Variants in RABGAP1L observed in about 807,000 individuals in gnomAD.
RABGAP1L encodes the protein rab GTPase-activating protein 1-like.
Under a neutral mutation model 137.7 loss-of-function variants are expected in RABGAP1L, and 63 were observed. That is an observed-to-expected ratio of 0.46 (90% CI 0.37 to 0.56). The LOEUF (loss-of-function observed/expected upper bound fraction) is 0.56, where lower values mean the gene tolerates loss of function less well. Among genes scored for constraint, RABGAP1L ranks in the 20% least tolerant of loss-of-function variants. RABGAP1L has a pLI of 0.00. For missense variants in RABGAP1L, 1,095 were observed against 1,244.0 expected, an observed-to-expected ratio of 0.88 and a Z score of 1.80; for synonymous variants, 431 against 433.7, an observed-to-expected ratio of 0.99 and a Z score of 0.08.
intron 13 of RABGAP1L, 148 bp from the exon 14 acceptor site, chr1:174,637,227 A>G (rs1674123130): frequency 1.7e-6 from 1 of 582,420 alleles, no homozygotes; most frequent in South Asian, 2.3e-5. Flanking sequence ...TCTTGGGTAT[A>G]GGACTATGGG....
At chr1:174,284,526 CA>C (rs1484109041) in intron 10 of RABGAP1L, among the ~76,000 whole-genome samples, 2 of 152,232 alleles carry the variant, frequency 1.3e-5, no homozygotes, top group Admixed American at 1.3e-4. Context: ...AATAATGTTG[CA>C]ATGAACATGG....
intron 18 of RABGAP1L, among the ~76,000 whole-genome samples, chr1:174,785,945 T>C (rs889259536): frequency 2.0e-5 from 3 of 152,098 alleles, no homozygotes; most frequent in African/African-American, 7.2e-5. Context: ...AGGAAAGAAA[T>C]AGTAAAAAAA....
intron 17 of RABGAP1L, among the ~76,000 whole-genome samples, chr1:174,729,359 C>T: frequency 6.6e-6 from 1 of 152,262 alleles, no homozygotes; most frequent in Admixed American, 6.5e-5. Context: ...TGTGACATCA[C>T]AAACTATAAG....
At chr1:174,764,867 G>A (rs1685542078) in intron 18 of RABGAP1L, among the ~76,000 whole-genome samples, 1 of 152,156 alleles carries the variant, frequency 6.6e-6, no homozygotes. Flanking sequence ...GAGCTAGGGG[G>A]CACCCCACTC....
chr1:174,249,510 TAC>T (rs1352825625), intron 5 of RABGAP1L, among the ~76,000 whole-genome samples: 3 of 152,178 alleles, frequency 2.0e-5, no homozygotes, highest in South Asian at 2.1e-4. Flanking sequence ...TATAAATAAA[TAC>T]AGTTTATTTT....
chr1:174,833,468 A>ATATATATATATAT (rs1279866308), intron 19 of RABGAP1L, among the ~76,000 whole-genome samples: 47 of 107,296 alleles, frequency 4.4e-4, no homozygotes, highest in Non-Finnish European at 7.4e-4. Context: ...ATATATATAT[A>ATATATATATATAT]GTAGAGACAG....
rs188963388 is a variant in RABGAP1L, at chr1:174,725,901, A to G, written c.2169+23645A>G. Reference sequence around the variant, plus strand: ...TAAATGACGAGTTAATGGGTGCAACACACCAACATGGCACATGTATACATA... The same window carrying G: ...TAAATGACGAGTTAATGGGTGCAACGCACCAACATGGCACATGTATACATA... On this transcript the variant is annotated intron_variant, in intron 17 of 25. Coordinates refer to ENST00000681986, the MANE Select transcript of RABGAP1L (RefSeq NM_001366446.1). 5.7e-3 allele frequency among the ~76,000 whole-genome samples: 862 copies of G among 152,278 alleles called. 10 individuals carry two copies. Among genetic ancestry groups the G allele is most frequent in the African/African-American group, 0.02 (815 of 41,550 alleles).
At chr1:174,715,026 A>G (rs1344291367) in intron 17 of RABGAP1L, among the ~76,000 whole-genome samples, 1 of 152,192 alleles carries the variant, frequency 6.6e-6, no homozygotes, top group African/African-American at 2.4e-5. Context: ...TATAGGGCGT[A>G]ATCTTTAAAA....
chr1:174,217,155 C>T (rs924444842), intron 1 of RABGAP1L, among the ~76,000 whole-genome samples: 21 of 152,024 alleles, frequency 1.4e-4, no homozygotes, highest in African/African-American at 5.1e-4. Context: ...ATCCAGGTTT[C>T]GTGTTCAAGT....
chr1:174,649,757 G>T (rs1011274734), intron 14 of RABGAP1L, among the ~76,000 whole-genome samples: 1 of 152,110 alleles, frequency 6.6e-6, no homozygotes, highest in East Asian at 1.9e-4. Context: ...GGTTTTTCTA[G>T]ATATGCAATG....
intron 7 of RABGAP1L, among the ~76,000 whole-genome samples, chr1:174,262,146 T>G (rs1004136921): frequency 2.6e-5 from 4 of 152,200 alleles, no homozygotes; most frequent in African/African-American, 4.8e-5. Context: ...AGAAAGCTAT[T>G]GGCATTTTCA....
intron 19 of RABGAP1L, among the ~76,000 whole-genome samples, chr1:174,886,780 A>G (rs1655218864): frequency 6.6e-6 from 1 of 150,838 alleles, no homozygotes. Flanking sequence ...TTTTCTTTAC[A>G]TTTTTTATGG....
intron 11 of RABGAP1L, among the ~76,000 whole-genome samples, chr1:174,341,884 C>T (rs1460597862): frequency 1.3e-5 from 2 of 152,108 alleles, no homozygotes; most frequent in Non-Finnish European, 2.9e-5. Context: ...GGTTGGAAGG[C>T]TTAATTTAAG....
At position 174,231,453 on chromosome 1, in the gene RABGAP1L, C is replaced by A; in HGVS notation, c.542+98C>A. 1.8e-6 allele frequency: 2 copies of A among 1,091,714 alleles called. 1 individual carries two copies. The highest frequency in any genetic ancestry group is 2.7e-5 in the South Asian group (2 of 74,834). The allele number at this position is 1,091,714 out of a possible 1,614,324, so 67.6% of individuals were successfully genotyped here. A position where few individuals can be genotyped will look rare whatever the true frequency, so the allele number is the denominator to read the frequency against. Reference sequence around the variant, plus strand: ...TCAGGTGTAGAACTTACTGTGAACTCACACTGTAGACATGCAGAGTAAACA... The same window carrying A: ...TCAGGTGTAGAACTTACTGTGAACTAACACTGTAGACATGCAGAGTAAACA... On this transcript the variant is annotated intron_variant, in intron 4 of 25. Transcript: ENST00000681986.
chr1:174,850,209 G>A (rs535940805), intron 19 of RABGAP1L: 5 of 340,528 alleles, frequency 1.5e-5, no homozygotes, highest in Admixed American at 1.1e-4. Context: ...GCCACACGTG[G>A]GAACACCAGT....
intron 13 of RABGAP1L, among the ~76,000 whole-genome samples, chr1:174,422,980 C>G (rs1651516763): frequency 6.7e-6 from 1 of 149,834 alleles, no homozygotes; most frequent in Non-Finnish European, 1.5e-5. Flanking sequence ...TTTTTTGAAC[C>G]ATTATAGCTA....
chr1:174,889,200 T>C (rs1655695151), intron 19 of RABGAP1L, among the ~76,000 whole-genome samples: 1 of 151,882 alleles, frequency 6.6e-6, no homozygotes, highest in Non-Finnish European at 1.5e-5. Context: ...CTCGGCTCAC[T>C]TCAACCTCCG....
chr1:174,740,166 C>T (rs981996324), intron 17 of RABGAP1L, among the ~76,000 whole-genome samples: 1 of 152,186 alleles, frequency 6.6e-6, no homozygotes, highest in Admixed American at 6.5e-5. Context: ...ATCCTTCTTA[C>T]ATCTTCATAG....
intron 18 of RABGAP1L, among the ~76,000 whole-genome samples, chr1:174,788,056 C>A (rs1169358736): frequency 6.6e-6 from 1 of 152,192 alleles, no homozygotes; most frequent in Non-Finnish European, 1.5e-5. Flanking sequence ...GCTTACTAGA[C>A]CTTACATGTT....
Sources: allele counts gnomAD v4.1 joint callset (sites outside exome capture counted in the v4.1 genomes callset), GRCh38; gene constraint gnomAD v4.1.1; transcripts MANE v1.5; gene names NCBI Gene and HGNC (gene_info 2026-07-23, HGNC 2026-07-21).